The following MAML3 variants were observed in gnomAD, a reference collection of about 807,000 sequenced individuals.
MAML3 encodes mastermind like transcriptional coactivator 3.
In MAML3, 27 loss-of-function variants were observed where a neutral mutation model predicts 101.9. That is an observed-to-expected ratio of 0.27 (90% confidence interval 0.20 to 0.37). MAML3 has a LOEUF of 0.37. Among genes scored for constraint, MAML3 ranks in the 10% least tolerant of loss-of-function variants. MAML3 has a pLI of 1.00. For synonymous variants in MAML3, 501 were observed against 555.9 expected (o/e 0.90, Z 1.39); for missense variants, 1,316 against 1,444.9 (o/e 0.91, Z 1.45).
intron 1 of MAML3, among the ~76,000 whole-genome samples, chr4:139,947,581 A>C (rs1354284045): frequency 6.6e-6 from 1 of 152,164 alleles, no homozygotes; most frequent in African/African-American, 2.4e-5. Flanking sequence ...CAAAGCACCC[A>C]CATGTCCCTA....
chr4:140,017,261 C>T (rs949120056), intron 1 of MAML3, among the ~76,000 whole-genome samples: 2 of 152,162 alleles, frequency 1.3e-5, no homozygotes, highest in Non-Finnish European at 2.9e-5. Flanking sequence ...CATCACTATA[C>T]ACTTAGCAGA....
chr4:139,982,173 T>A (rs1211876308), intron 1 of MAML3, among the ~76,000 whole-genome samples: 1 of 152,250 alleles, frequency 6.6e-6, no homozygotes, highest in African/African-American at 2.4e-5. Flanking sequence ...CATCATTTAT[T>A]TATACCAGTA....
At chr4:139,728,122 G>T (rs903600463) in intron 3 of MAML3, among the ~76,000 whole-genome samples, 1 of 152,156 alleles carries the variant, frequency 6.6e-6, no homozygotes, top group African/African-American at 2.4e-5. Context: ...GGCTGAGGTG[G>T]GAAGATTGCT....
rs993408237 is a variant in MAML3 at position 139,889,749 on chromosome 4, T to C, written c.1687A>G (p.Lys563Glu). ...IVPPMANNLQ[K>E]TTMNNYLPQN... The stretch of plus-strand genomic sequence containing the variant: ...GGGAGGTAGTTATTCATTGTTGTCT[T>C]CTGCAGGTTGTTTGCCATTGGAGGC... The change falls in exon 2 of 5, where the codon AAG (lysine) becomes GAG (glutamate). Residue 563 changes from lysine to glutamate, a missense_variant. Lys to Glu is a moderately conservative substitution (Grantham distance 56, BLOSUM62 1). Coordinates refer to ENST00000509479, the MANE Select transcript of MAML3 (RefSeq NM_018717.5). 6.2e-7 allele frequency: 1 copy of C among 1,613,934 alleles called. No homozygotes were observed. Among genetic ancestry groups the C allele is most frequent in the Non-Finnish European group, 8.5e-7 (1 of 1,179,900 alleles).
intron 1 of MAML3, among the ~76,000 whole-genome samples, chr4:140,043,631 C>T (rs896038567): frequency 1.3e-5 from 2 of 152,150 alleles, no homozygotes; most frequent in African/African-American, 4.8e-5. Flanking sequence ...TAAAATTTTT[C>T]TTTAAAAATG....
intron 1 of MAML3, among the ~76,000 whole-genome samples, chr4:140,087,324 G>A (rs747668970): frequency 3.9e-5 from 6 of 152,066 alleles, no homozygotes; most frequent in Non-Finnish European, 8.8e-5. Flanking sequence ...ACTCATCCCT[G>A]CCATAGCATC....
chr4:140,044,301 C>A (rs917318774), intron 1 of MAML3, among the ~76,000 whole-genome samples: 1 of 152,070 alleles, frequency 6.6e-6, no homozygotes, highest in Non-Finnish European at 1.5e-5. Context: ...GAATTGTCAT[C>A]AAAGCATTGT....
At chr4:139,813,375 A>T (rs1247496773) in intron 2 of MAML3, among the ~76,000 whole-genome samples, 3 of 152,236 alleles carry the variant, frequency 2.0e-5, no homozygotes, top group African/African-American at 7.2e-5. Flanking sequence ...GGGCCACAGC[A>T]GGGAACACCA....
Position 139,889,820 on chromosome 4 carries a change from C to T in MAML3, c.1616G>A (p.Ser539Asn), listed in dbSNP as rs1350177659. 3.1e-6 allele frequency: 5 copies of T among 1,613,748 alleles called. No individual in the cohort carries two copies. The highest frequency in any genetic ancestry group is 1.3e-5 in the African/African-American group (1 of 74,838). ...AAAGGCTTGGGGGTACATCATTGGG[C>T]TATTTGGTTTTTCTGCAGTAAAAGC... ...GAAFTAEKPNSPMMYPQAFNN... is the reference protein window; with the variant it reads ...GAAFTAEKPNNPMMYPQAFNN... Residue 539 changes from serine (S) to asparagine (N), a missense_variant, in exon 2 of 5, where the codon AGC (serine) becomes AAC (asparagine). Ser to Asn is a conservative substitution (Grantham distance 46). Coordinates refer to ENST00000509479, the MANE Select transcript of MAML3 (RefSeq NM_018717.5).
chr4:139,744,486 C>G (rs1416752408), intron 2 of MAML3, among the ~76,000 whole-genome samples: 3 of 152,222 alleles, frequency 2.0e-5, no homozygotes, highest in African/African-American at 7.2e-5. Context: ...GGCTAACATG[C>G]AAATATTGCT....
At chr4:140,125,395 T>G (rs1728667841) in intron 1 of MAML3, among the ~76,000 whole-genome samples, 1 of 152,130 alleles carries the variant, frequency 6.6e-6, no homozygotes, top group Non-Finnish European at 1.5e-5. Flanking sequence ...AGCAAGACAT[T>G]GTCTCTAATT....
intron 2 of MAML3, among the ~76,000 whole-genome samples, chr4:139,802,961 A>G (rs933268609): frequency 1.3e-5 from 2 of 152,236 alleles, no homozygotes; most frequent in African/African-American, 4.8e-5. Context: ...TATAGCAAAC[A>G]GTGTTAAGTG....
At chr4:140,108,461 G>A (rs1330839906) in intron 1 of MAML3, among the ~76,000 whole-genome samples, 2 of 151,704 alleles carry the variant, frequency 1.3e-5, no homozygotes, top group Admixed American at 1.3e-4. Context: ...AAACTACAAA[G>A]AGTCTGAAGT....
intron 2 of MAML3, among the ~76,000 whole-genome samples, chr4:139,798,516 T>A (rs1479164461): frequency 6.6e-6 from 1 of 152,184 alleles, no homozygotes; most frequent in East Asian, 1.9e-4. Context: ...GCTTCTATGG[T>A]AACTGTATTG....
chr4:139,816,559 CG>C (rs1470647358), intron 2 of MAML3, among the ~76,000 whole-genome samples: 1 of 152,074 alleles, frequency 6.6e-6, no homozygotes, highest in Non-Finnish European at 1.5e-5. Context: ...GAGGAACAGA[CG>C]GGGGTCACCA....
chr4:139,854,513 C>G (rs1731620241), intron 2 of MAML3, among the ~76,000 whole-genome samples: 1 of 150,270 alleles, frequency 6.7e-6, no homozygotes, highest in Admixed American at 6.7e-5. Flanking sequence ...CCTTCTAGGT[C>G]TACCATATCA....
In MAML3 at chr4:140,096,279, GA is replaced by G. The variant is rs532512224; in HGVS notation, c.468+56580del. 1.6e-3 allele frequency among the ~76,000 whole-genome samples: 245 copies of G among 152,318 alleles called. 1 individual carries two copies. Among genetic ancestry groups the G allele is most frequent in the Non-Finnish European group, 1.7e-3 (115 of 68,034 alleles). ...TGACGTCAACCAGGACAGGAAACTG[GA>G]GATGATTAGACATCCTTTATTCTCC... is the stretch of plus-strand genomic sequence containing the variant. On this transcript the variant is annotated intron_variant, in intron 1 of 4. Transcript: ENST00000509479.
chr4:139,725,665 G>T, intron 4 of MAML3, 86 bp downstream of exon 4: 1 of 1,296,074 alleles, frequency 7.7e-7, no homozygotes. Context: ...CACAAATACA[G>T]CCAGTAAGGC....
At chr4:139,829,736 T>C (rs988674650) in intron 2 of MAML3, among the ~76,000 whole-genome samples, 1 of 152,234 alleles carries the variant, frequency 6.6e-6, no homozygotes, top group African/African-American at 2.4e-5. Context: ...ATGTGGTTTA[T>C]GTTATGTTAT....
Sources: allele counts gnomAD v4.1 joint callset (sites outside exome capture counted in the v4.1 genomes callset), GRCh38; gene constraint gnomAD v4.1.1; transcripts MANE v1.5; gene names NCBI Gene and HGNC (gene_info 2026-07-23, HGNC 2026-07-21).